The following HMCN1 variants were observed in gnomAD, a reference collection of about 807,000 sequenced individuals.
HMCN1 encodes the protein hemicentin-1.
HMCN1 carries 321 observed loss-of-function variants against 625.9 expected under a neutral mutation model. That is an observed-to-expected ratio of 0.51 (90% CI 0.47 to 0.56). The LOEUF is 0.56. Ranked by LOEUF, HMCN1 falls within the 20% of genes least tolerant of loss-of-function variation. The pLI is 0.00. For synonymous variants in HMCN1, 2,425 were observed against 2,417.6 expected (o/e 1.00, Z -0.09); for missense variants, 6,588 against 6,887.3 (o/e 0.96, Z 1.54).
chr1:186,165,027 C>A, intron 97 of HMCN1, 84 bp from the exon 98 acceptor site: 1 of 1,185,036 alleles, frequency 8.4e-7, no homozygotes. Context: ...TTTGGCATAT[C>A]TTCCCAGGGA....
intron 1 of HMCN1, among the ~76,000 whole-genome samples, chr1:185,786,332 C>G (rs962215381): frequency 2.0e-5 from 3 of 152,148 alleles, no homozygotes; most frequent in African/African-American, 7.2e-5. Context: ...GCATATTTAA[C>G]CTTCTTGTTT....
chr1:185,889,297 T>G (rs1664887766), intron 4 of HMCN1, among the ~76,000 whole-genome samples: 1 of 141,720 alleles, frequency 7.1e-6, no homozygotes, highest in African/African-American at 2.9e-5. Flanking sequence ...TGAATACCCT[T>G]TATTTCCTTC....
At chr1:186,143,139 G>A (rs2102550947) in intron 89 of HMCN1, among the ~76,000 whole-genome samples, 1 of 152,270 alleles carries the variant, frequency 6.6e-6, no homozygotes, top group South Asian at 2.1e-4. Context: ...AAAGCACAAG[G>A]ATAATTAGTC....
At chr1:185,892,795 C>G (rs890868493) in intron 4 of HMCN1, among the ~76,000 whole-genome samples, 4 of 152,178 alleles carry the variant, frequency 2.6e-5, no homozygotes, top group African/African-American at 7.2e-5. Flanking sequence ...AGAGGTGGAG[C>G]CTACAGAGGC....
intron 97 of HMCN1, among the ~76,000 whole-genome samples, chr1:186,163,546 C>G (rs570241829): frequency 1.3e-5 from 2 of 152,164 alleles, no homozygotes; most frequent in Non-Finnish European, 2.9e-5. Flanking sequence ...ATTCGGCCAT[C>G]TTGGCTCCTC....
At chr1:186,074,925 T>C in intron 53 of HMCN1, 34 bp downstream of exon 53, 1 of 1,503,100 alleles carries the variant, frequency 6.7e-7, no homozygotes, top group South Asian at 1.1e-5. Flanking sequence ...ATAATGTAAT[T>C]TATATGATCT....
intron 1 of HMCN1, among the ~76,000 whole-genome samples, chr1:185,818,752 C>T (rs1309553567): frequency 6.6e-6 from 1 of 152,144 alleles, no homozygotes; most frequent in Non-Finnish European, 1.5e-5. Context: ...TGACACCAGG[C>T]TACCACCATT....
intron 97 of HMCN1, among the ~76,000 whole-genome samples, chr1:186,159,330 G>C (rs1274715104): frequency 6.6e-6 from 1 of 152,168 alleles, no homozygotes; most frequent in Non-Finnish European, 1.5e-5. Flanking sequence ...CTGAGACAAT[G>C]GGGTTTTCTA....
In HMCN1 at chr1:185,758,221, A is replaced by C. The variant is rs1655258415; in HGVS notation, c.268+23174A>C. ...TGTAAAATGAATTCACTCTTTATTC[A>C]CTTATGCACTCAAGAAAACTGCCAG... is the stretch of plus-strand genomic sequence containing the variant. On this transcript the variant is annotated intron_variant, in intron 1 of 106. Transcript: ENST00000271588. 7.2e-5 allele frequency among the ~76,000 whole-genome samples: 11 copies of C among 152,312 alleles called. No homozygotes were observed. In the South Asian group the frequency reaches 2.1e-3, roughly 29 times the overall value.
At position 186,187,887 on chromosome 1, in the gene HMCN1, C is replaced by T. The variant is rs558363949; in HGVS notation, c.16419C>T (p.Ile5473=). 3.1e-6 allele frequency: 5 copies of T among 1,613,656 alleles called. No homozygotes were observed. The highest frequency in any genetic ancestry group is 2.7e-5 in the African/African-American group (2 of 74,970). The part of the protein sequence containing the change: ...LTHNGKTCQD[I]DECLEQNVHC... ...TGTTCCCTGTGCTGTCCCTAGATATCGATGAATGTCTGGAGCAGAATGTGC... is the reference window on the plus strand; with the variant it reads ...TGTTCCCTGTGCTGTCCCTAGATATTGATGAATGTCTGGAGCAGAATGTGC... Residue 5473 remains isoleucine (I), a synonymous_variant, in exon 106 of 107, where the codon ATC becomes ATT. Coordinates refer to ENST00000271588, the MANE Select transcript of HMCN1 (RefSeq NM_031935.3).
Position 185,911,755 on chromosome 1 carries a change from C to T in HMCN1, c.875C>T (p.Pro292Leu), listed in dbSNP as rs1368838756. ...GCCAAAGTAGTGAATGTGAAAGAGCCAGAGGCTGGAATGTGGACAGTGAAG... is the reference window on the plus strand; with the variant it reads ...GCCAAAGTAGTGAATGTGAAAGAGCTAGAGGCTGGAATGTGGACAGTGAAG... ...NSAKVVNVKEPEAGMWTVKTS... is the reference protein window; with the variant it reads ...NSAKVVNVKELEAGMWTVKTS... Residue 292 changes from proline (P) to leucine (L), a missense_variant, in exon 6 of 107, where the codon CCA becomes CTA. Pro to Leu is a moderately conservative substitution (Grantham distance 98, BLOSUM62 -3). Around this residue, in one of 3 missense-constraint regions of HMCN1, gnomAD observed 4,628 missense variants for 4,853.1 expected, o/e 0.95. Transcript: ENST00000271588. The T allele has an allele frequency of 6.2e-7, 1 of 1,612,720 alleles. No homozygotes were observed. Among genetic ancestry groups the T allele is most frequent in the Admixed American group, 1.7e-5 (1 of 59,976 alleles).
At chr1:186,046,876 ACT>A (rs1379475877) in intron 41 of HMCN1, among the ~76,000 whole-genome samples, 1 of 152,146 alleles carries the variant, frequency 6.6e-6, no homozygotes, top group Middle Eastern at 3.2e-3. Context: ...TGTTTATAAC[ACT>A]CTCATAATAA....
intron 68 of HMCN1, among the ~76,000 whole-genome samples, chr1:186,099,350 TA>T (rs761565199): frequency 3.0e-4 from 45 of 152,108 alleles, no homozygotes; most frequent in Middle Eastern, 3.4e-3. Context: ...TGGGGTTGGG[TA>T]GCAAATTCCT....
At chr1:186,033,701 T>C (rs1448222761) in intron 36 of HMCN1, among the ~76,000 whole-genome samples, 1 of 152,208 alleles carries the variant, frequency 6.6e-6, no homozygotes, top group Non-Finnish European at 1.5e-5. Context: ...GTCTAGTAAA[T>C]ACAATATCTA....
At chr1:186,043,071 T>C (rs536380304) in intron 40 of HMCN1, among the ~76,000 whole-genome samples, 1 of 152,298 alleles carries the variant, frequency 6.6e-6, no homozygotes, top group East Asian at 1.9e-4. Flanking sequence ...GTACCTTTTC[T>C]TTAAACTTAA....
At chr1:186,173,098 G>A (rs935617462) in intron 102 of HMCN1, among the ~76,000 whole-genome samples, 2 of 152,168 alleles carry the variant, frequency 1.3e-5, no homozygotes, top group African/African-American at 2.4e-5. Flanking sequence ...CCTTGGACAA[G>A]TCTTATGATT....
chr1:185,886,082 A>G (rs1664627357), intron 4 of HMCN1, among the ~76,000 whole-genome samples: 1 of 152,116 alleles, frequency 6.6e-6, no homozygotes, highest in Admixed American at 6.6e-5. Context: ...TACATAACTC[A>G]GTGATGAAGA....
In HMCN1 at chr1:185,962,626, C is replaced by T; in HGVS notation, c.1937C>T (p.Thr646Ile). 1.0e-5 allele frequency: 16 copies of T among 1,588,512 alleles called. No individual in the cohort carries two copies. The highest frequency in any genetic ancestry group is 1.4e-5 in the Non-Finnish European group (16 of 1,156,720). ...TATCCCAAACCAAAGATTGCCTGGA[C>T]CGTTAACGATATGTTTATCGTGGGT... ...TGYPKPKIAWTVNDMFIVGSH... is the reference protein window; with the variant it reads ...TGYPKPKIAWIVNDMFIVGSH... Residue 646 changes from threonine (T) to isoleucine (I), a missense_variant, in exon 12 of 107, where the codon ACC becomes ATC. Physicochemically the swap from Thr to Ile is moderately conservative, Grantham distance 89. Transcript: ENST00000271588.
intron 35 of HMCN1, 109 bp downstream of exon 35, chr1:186,019,804 A>T (rs915941758): frequency 1.5e-5 from 13 of 882,012 alleles, no homozygotes; most frequent in Non-Finnish European, 1.9e-5. Context: ...CAGATTTTGC[A>T]GAAAATTTAT....
Sources: gnomAD v4.1 joint callset for allele counts (sites outside exome capture counted in the v4.1 genomes callset) on GRCh38, gnomAD v4.1.1 for gene constraint, gnomAD v4.1.1 regional missense constraint, MANE v1.5 for transcripts, NCBI Gene and HGNC (gene_info 2026-07-23, HGNC 2026-07-21) for gene names.